MKLN1: variants seen among roughly 807,000 people sequenced by gnomAD.
The protein encoded by MKLN1 is muskelin.
MKLN1 carries 18 observed loss-of-function variants against 99.0 expected under a neutral mutation model. That is an observed-to-expected ratio of 0.18 (90% CI 0.13 to 0.27). The LOEUF (loss-of-function observed/expected upper bound fraction) is 0.27, where lower values mean the gene tolerates loss of function less well. Ranked by LOEUF, MKLN1 falls within the 10% of genes least tolerant of loss-of-function variation. The pLI is 1.00. For missense variants in MKLN1, 621 were observed against 875.9 expected (o/e 0.71, Z 3.67); for synonymous variants, 288 against 293.2 (o/e 0.98, Z 0.18).
At chr7:131,450,692 A>G (rs967790145) in intron 12 of MKLN1, among the ~76,000 whole-genome samples, 7 of 152,106 alleles carry the variant, frequency 4.6e-5, no homozygotes, top group East Asian at 3.8e-4. Flanking sequence ...TACCTGAATC[A>G]CTTTCCTCTC....
intron 3 of MKLN1, among the ~76,000 whole-genome samples, chr7:131,215,674 T>G (rs752054760): frequency 1.3e-5 from 2 of 152,234 alleles, no homozygotes; most frequent in Non-Finnish European, 1.5e-5. Context: ...ATAGTCTGTA[T>G]GATATTCTTC....
intron 2 of MKLN1, among the ~76,000 whole-genome samples, chr7:131,173,321 A>G (rs538433623): frequency 6.6e-6 from 1 of 152,246 alleles, no homozygotes; most frequent in Non-Finnish European, 1.5e-5. Context: ...ATTCTGACTC[A>G]TGTGAAATGA....
rs961805204 is a variant in MKLN1 at position 131,470,855 on chromosome 7, G to A, written c.1942G>A (p.Ala648Thr). 2.5e-6 allele frequency: 4 copies of A among 1,608,914 alleles called. No individual in the cohort carries two copies. In the African/African-American group the frequency reaches 5.3e-5, roughly 21 times the overall value. Reference sequence around the variant, plus strand: ...TACATTTTCTAGGTTTGAAGAAAAGGCCCAAGTGGATCCCCTTAGTGCTCT... The same window carrying A: ...TACATTTTCTAGGTTTGAAGAAAAGACCCAAGTGGATCCCCTTAGTGCTCT... ...LIRKHRFEEK[A>T]QVDPLSALKY... The change falls in exon 16 of 18, where the codon GCC becomes ACC. Residue 648 changes from alanine to threonine, a missense_variant. Coordinates refer to ENST00000352689, the MANE Select transcript of MKLN1 (RefSeq NM_013255.5).
chr7:131,444,763 A>AAGTAGTAGTAGT (rs60459266), intron 11 of MKLN1, among the ~76,000 whole-genome samples: 3 of 117,960 alleles, frequency 2.5e-5, no homozygotes, highest in South Asian at 3.0e-4. Flanking sequence ...GTAGTAGAAG[A>AAGTAGTAGTAGT]AGTAGTAGTA....
chr7:131,111,844 A>C (rs1040518741), intron 1 of MKLN1, among the ~76,000 whole-genome samples: 1 of 152,232 alleles, frequency 6.6e-6, no homozygotes, highest in Non-Finnish European at 1.5e-5. Context: ...CAAGGCATAA[A>C]ATTGAATGGA....
intron 13 of MKLN1, 83 bp from the exon 14 acceptor site, chr7:131,464,211 A>T: frequency 1.4e-6 from 1 of 695,276 alleles, no homozygotes; most frequent in Non-Finnish European, 2.4e-6. Flanking sequence ...GTTAGTAATT[A>T]GACATGCAGT....
At chr7:131,308,563 A>T in intron 3 of MKLN1, among the ~76,000 whole-genome samples, 1 of 145,704 alleles carries the variant, frequency 6.9e-6, no homozygotes, top group African/African-American at 2.5e-5. Flanking sequence ...GCCTGGCCTC[A>T]GGTAGGTTTT....
intron 15 of MKLN1, among the ~76,000 whole-genome samples, 167 bp downstream of exon 15, chr7:131,466,582 C>T (rs1325251894): frequency 6.6e-6 from 1 of 152,080 alleles, no homozygotes. Context: ...ATACAAAATA[C>T]AGATATTGAT....
chr7:131,494,616 T>C lies in MKLN1; in HGVS notation c.*6888T>C, dbSNP rs1401124219. 2 of 152,148 alleles carry C rather than the reference T, an allele frequency of 1.3e-5. No individual in the cohort carries two copies. Among genetic ancestry groups the C allele is most frequent in the Non-Finnish European group, 2.9e-5 (2 of 68,016 alleles). 9.4% of individuals were successfully genotyped at this position (152,148 alleles called of 1,614,324 possible). A position where few individuals can be genotyped will look rare whatever the true frequency, so the allele number is the denominator to read the frequency against. Reference sequence around the variant, plus strand: ...TTTCCTTTCCCAGAAAAAAAAATTATTTTGGTGACTGATCAATTGTAAACA... The same window carrying C: ...TTTCCTTTCCCAGAAAAAAAAATTACTTTGGTGACTGATCAATTGTAAACA... On this transcript the variant is annotated 3_prime_UTR_variant, in exon 18 of 18. Transcript: ENST00000352689.
At chr7:131,262,628 G>A (rs949218947) in intron 3 of MKLN1, among the ~76,000 whole-genome samples, 1 of 151,260 alleles carries the variant, frequency 6.6e-6, no homozygotes, top group African/African-American at 2.4e-5. Context: ...TCCGCTCACT[G>A]CAACCTCCAC....
chr7:131,184,839 T>C (rs1665021766), intron 2 of MKLN1, among the ~76,000 whole-genome samples: 1 of 152,182 alleles, frequency 6.6e-6, no homozygotes, highest in Admixed American at 6.5e-5. Flanking sequence ...AATACTTTTT[T>C]AAAGATGCAC....
intron 3 of MKLN1, among the ~76,000 whole-genome samples, chr7:131,205,951 A>T (rs6977294): frequency 0.46 from 69,713 of 150,556 alleles, 16,883 homozygotes; most frequent in South Asian, 0.61. Flanking sequence ...TGGAGCGCAA[A>T]GGCATGATCT....
intron 2 of MKLN1, among the ~76,000 whole-genome samples, chr7:131,143,553 C>T (rs1795771813): frequency 6.6e-6 from 1 of 152,192 alleles, no homozygotes; most frequent in Non-Finnish European, 1.5e-5. Flanking sequence ...TGGCTGGGCA[C>T]AGTAGCTCAT....
intron 3 of MKLN1, among the ~76,000 whole-genome samples, chr7:131,212,127 G>C (rs150953423): frequency 3.7e-4 from 57 of 152,312 alleles, no homozygotes; most frequent in African/African-American, 1.4e-3. Context: ...GATCCTTTCT[G>C]CTGCTGGCTC....
chr7:131,484,225 G>T (rs1398463355), intron 17 of MKLN1, among the ~76,000 whole-genome samples: 2 of 152,076 alleles, frequency 1.3e-5, no homozygotes, highest in Non-Finnish European at 2.9e-5. Flanking sequence ...AAAAATAAAA[G>T]ATGTGCCTTT....
intron 1 of MKLN1, among the ~76,000 whole-genome samples, chr7:131,140,314 C>T (rs1206266188): frequency 1.3e-5 from 2 of 152,180 alleles, no homozygotes; most frequent in East Asian, 1.9e-4. Context: ...TACACCTTCT[C>T]GCTCTTTTTT....
At chr7:131,287,883 C>A (rs1371209077) in intron 3 of MKLN1, among the ~76,000 whole-genome samples, 1 of 151,956 alleles carries the variant, frequency 6.6e-6, no homozygotes, top group Non-Finnish European at 1.5e-5. Flanking sequence ...GGGGCTCTTC[C>A]CCCTTTGCTT....
intron 1 of MKLN1, among the ~76,000 whole-genome samples, chr7:131,334,122 A>G (rs140108013): frequency 6.6e-6 from 1 of 152,306 alleles, no homozygotes; most frequent in East Asian, 1.9e-4. Flanking sequence ...AATCACATAT[A>G]GTTGAAAAAT....
intron 7 of MKLN1, among the ~76,000 whole-genome samples, chr7:131,411,665 G>T (rs1474381924): frequency 6.6e-6 from 1 of 151,928 alleles, no homozygotes; most frequent in Admixed American, 6.6e-5. Context: ...CCAACACTGT[G>T]GGAGGCCAAG....
Sources: allele counts gnomAD v4.1 joint callset (sites outside exome capture counted in the v4.1 genomes callset), GRCh38; gene constraint gnomAD v4.1.1; transcripts MANE v1.5; gene names NCBI Gene and HGNC (gene_info 2026-07-23, HGNC 2026-07-21).